Variants in LRRC73 observed in about 807,000 individuals in gnomAD.
LRRC73 encodes leucine rich repeat containing 73.
Under a neutral mutation model 26.4 loss-of-function variants are expected in LRRC73, and 16 were observed. That is an observed-to-expected ratio of 0.61 (90% CI 0.41 to 0.92). LRRC73 has a LOEUF of 0.92. LRRC73 is among the 40% of genes least tolerant of loss of function. The pLI is 0.00. For synonymous variants in LRRC73, 210 were observed against 179.8 expected, an observed-to-expected ratio of 1.17 and a Z score of -1.34; for missense variants, 344 against 416.3, an observed-to-expected ratio of 0.83 and a Z score of 1.51.
rs1792571327 is a variant in LRRC73 at position 43,508,424 on chromosome 6, G to A, written c.434-4C>T. The A allele has an allele frequency of 6.2e-7, 1 of 1,613,520 alleles. No individual in the cohort carries two copies. The highest frequency in any genetic ancestry group is 8.5e-7 in the Non-Finnish European group (1 of 1,179,924). On this transcript the variant is annotated splice_region_variant and splice_polypyrimidine_tract_variant and intron_variant, in intron 2 of 5. Transcript: ENST00000372441. ...CTCAGCGTTAGCTCCTTCAAGCCTGGGCAGCATCATAGCAAGAAACCAGAA... is the reference window on the plus strand; with the variant it reads ...CTCAGCGTTAGCTCCTTCAAGCCTGAGCAGCATCATAGCAAGAAACCAGAA...
At chr6:43,510,070 C>A (rs1379670206) in exon 1 of LRRC73, 4 of 243,576 alleles carry the variant, frequency 1.6e-5, no homozygotes, top group Non-Finnish European at 2.3e-5. Context: ...GCGGCCCGCA[C>A]GGTCCGTGTC....
intron 2 of LRRC73, 79 bp from the exon 3 acceptor site, chr6:43,508,499 C>T: frequency 1.3e-6 from 2 of 1,595,700 alleles, no homozygotes; most frequent in South Asian, 1.1e-5. Context: ...CCCTGTGTCT[C>T]TGGGGTGTCC....
exon 1 of LRRC73, chr6:43,509,962 G>T: frequency 2.3e-6 from 1 of 433,282 alleles, no homozygotes; most frequent in Non-Finnish European, 3.7e-6. Flanking sequence ...CTGCGGCGGG[G>T]GCGGAGAAGA....
At chr6:43,507,031 T>C (rs1168580101) in exon 6 of LRRC73, 13 of 585,960 alleles carry the variant, frequency 2.2e-5, no homozygotes, top group East Asian at 1.2e-4. Context: ...TTCAAAGGCA[T>C]TGCCGTGGGT....
chr6:43,509,624 C>T (rs780723385), exon 1 of LRRC73: 1 of 1,604,016 alleles, frequency 6.2e-7, no homozygotes, highest in Non-Finnish European at 8.5e-7. Context: ...GGGACGTGGC[C>T]CCGGCCAGGG....
chr6:43,507,556 C>T lies in LRRC73; in HGVS notation c.780G>A (p.Glu260=), dbSNP rs541102785. The T allele has an allele frequency of 5.4e-5, 87 of 1,614,030 alleles. No homozygotes were observed. In the South Asian group the frequency reaches 9.0e-4, roughly 17 times the overall value. Reference sequence around the variant, plus strand: ...CGCCAGCCCCTCCTGCCACTTCCTCCTCCTCCTCTCCCTCAGAGAGGAGGT... The same window carrying T: ...CGCCAGCCCCTCCTGCCACTTCCTCTTCCTCCTCTCCCTCAGAGAGGAGGT... The change falls in exon 5 of 6, where the codon GAG becomes GAA. Residue 260 remains glutamate (E), a synonymous_variant. Coordinates refer to ENST00000372441, the Ensembl canonical transcript of LRRC73.
At chr6:43,508,400 T>C in exon 3 of LRRC73, 1 of 1,613,634 alleles carries the variant, frequency 6.2e-7, no homozygotes, top group Non-Finnish European at 8.5e-7. Flanking sequence ...GGGTTGGCAC[T>C]CAGCGTTAGC....
At chr6:43,507,403 C>G in intron 5 of LRRC73, 53 bp downstream of exon 5, 1 of 1,610,018 alleles carries the variant, frequency 6.2e-7, no homozygotes, top group Non-Finnish European at 8.5e-7. Context: ...CCCACTCTCC[C>G]TTGTCCCGAG....
In LRRC73 at chr6:43,508,862, G is replaced by A. The variant is rs1448201887; in HGVS notation, c.331C>T (p.Leu111Phe). The A allele has an allele frequency of 4.3e-6, 7 of 1,612,836 alleles. No homozygotes were observed. In the South Asian group the frequency reaches 5.5e-5, roughly 13 times the overall value. ...TCCAGAGCCACGAGGGCAGGGTGGA[G>A]GGCCAGGGCTGGGTTCAGCAAGGCC... is the stretch of plus-strand genomic sequence containing the variant. Residue 111 changes from leucine to phenylalanine, a missense_variant, in exon 2 of 6, where the codon CTC (leucine) becomes TTC (phenylalanine). By Grantham distance (22) the Leu-to-Phe change is conservative. Coordinates refer to ENST00000372441, the Ensembl canonical transcript of LRRC73.
At chr6:43,509,862 C>T (rs1792610592) in exon 1 of LRRC73, 1 of 1,318,332 alleles carries the variant, frequency 7.6e-7, no homozygotes, top group Non-Finnish European at 9.7e-7. Context: ...GGGGATAGGG[C>T]CGGGGTCGGG....
exon 1 of LRRC73, chr6:43,509,557 G>A (rs1208547465): frequency 6.2e-7 from 1 of 1,610,146 alleles, no homozygotes; most frequent in South Asian, 1.1e-5. Flanking sequence ...GCCTCAGCCA[G>A]CTGCTTGATG....
chr6:43,510,288 G>C (rs1439319081), exon 1 of LRRC73: 3 of 153,094 alleles, frequency 2.0e-5, no homozygotes, highest in African/African-American at 7.2e-5. Flanking sequence ...CTGGCCGCAC[G>C]GCTGGCAGAG....
At chr6:43,506,983 C>A (rs1310130596) in exon 6 of LRRC73, 1 of 514,582 alleles carries the variant, frequency 1.9e-6, no homozygotes, top group East Asian at 3.5e-5. Flanking sequence ...TTCATAAAAT[C>A]TTTTCCGAGC....
At chr6:43,509,910 TGGAGGCGGCGGCTGTGGC>T (rs1220582780) in exon 1 of LRRC73, 10 of 751,332 alleles carry the variant, frequency 1.3e-5, no homozygotes, top group Admixed American at 4.5e-5. Flanking sequence ...GGGCCGGGGG[TGGAGGCGGCGGCTGTGGC>T]GGAGGCTGCG....
intron 1 of LRRC73, 93 bp from the exon 2 acceptor site, chr6:43,509,013 G>C: frequency 7.5e-7 from 1 of 1,338,056 alleles, no homozygotes; most frequent in African/African-American, 1.5e-5. Context: ...CTAGGTATGG[G>C]GAGGGCAGTC....
chr6:43,507,612 T>C (rs1258621795), exon 5 of LRRC73: 3 of 1,614,128 alleles, frequency 1.9e-6, no homozygotes, highest in African/African-American at 1.3e-5. Context: ...TCTGGGCTAA[T>C]GCTGTTCTCA....
Position 43,507,686 on chromosome 6 carries a change from G to A in LRRC73, c.658-8C>T, listed in dbSNP as rs533119930. 3 of 1,613,212 alleles carry A rather than the reference G, an allele frequency of 1.9e-6. No individual in the cohort carries two copies. The highest frequency in any genetic ancestry group is 2.2e-5 in the South Asian group (2 of 91,050). On this transcript the variant is annotated splice_polypyrimidine_tract_variant and splice_region_variant and intron_variant, in intron 4 of 5. Coordinates refer to ENST00000372441, the Ensembl canonical transcript of LRRC73. ...TACCATGTCCAGCAGGGTCTGAAGT[G>A]GGGAAGAATATGGAAAAGGATGAAC...
chr6:43,507,989 C>A, intron 3 of LRRC73, 63 bp from the exon 4 acceptor site: 1 of 1,417,964 alleles, frequency 7.1e-7, no homozygotes, highest in South Asian at 1.2e-5. Flanking sequence ...CAGATAGCTT[C>A]CCCATTGCCT....
exon 1 of LRRC73, chr6:43,509,732 C>T (rs1355670556): frequency 4.4e-6 from 7 of 1,589,330 alleles, no homozygotes; most frequent in Admixed American, 3.4e-5. Flanking sequence ...AGATGTCCCG[C>T]ACCTCGGCGC....
Sources: gnomAD v4.1 joint callset for allele counts on GRCh38, gnomAD v4.1.1 for gene constraint, MANE v1.5 for transcripts, NCBI Gene and HGNC (gene_info 2026-07-23, HGNC 2026-07-21) for gene names.